NOS1AP: variants seen among roughly 807,000 people sequenced by gnomAD.
NOS1AP encodes nitric oxide synthase 1 adaptor protein.
A neutral mutation model predicts 56.2 loss-of-function variants in NOS1AP; 21 were observed. The ratio of observed to expected loss-of-function variants is 0.37; its 90% CI spans 0.26 to 0.54. The LOEUF (loss-of-function observed/expected upper bound fraction) is 0.54, where lower values mean the gene tolerates loss of function less well. Among genes scored for constraint, NOS1AP ranks in the 20% least tolerant of loss-of-function variants. NOS1AP has a pLI of 0.84. For missense variants in NOS1AP, 522 were observed against 657.8 expected (o/e 0.79, Z 2.26); for synonymous variants, 270 against 274.6 (o/e 0.98, Z 0.17).
chr1:162,361,494 G>C (rs988773409), intron 8 of NOS1AP, among the ~76,000 whole-genome samples: 1 of 152,186 alleles, frequency 6.6e-6, no homozygotes, highest in Admixed American at 6.5e-5. Flanking sequence ...AGTATGGCCT[G>C]GTTTGGGTTC....
Position 162,147,924 on chromosome 1 carries a change from T to C in NOS1AP, c.106-6481T>C, listed in dbSNP as rs145884330. Among the ~76,000 whole-genome samples, 3 of 152,232 alleles carry C rather than the reference T, an allele frequency of 2.0e-5. No homozygotes were observed. In the East Asian group the frequency reaches 5.8e-4, roughly 29 times the overall value. ...CCTGTTTGATGTCTCACAGCAGGGATTCCTGGAAGGGGGGGATGCAGGAAT... is the reference window on the plus strand; with the variant it reads ...CCTGTTTGATGTCTCACAGCAGGGACTCCTGGAAGGGGGGGATGCAGGAAT... On this transcript the variant is annotated intron_variant, in intron 1 of 9. Transcript: ENST00000361897.
chr1:162,356,763 CTG>C (rs993664913), intron 7 of NOS1AP, among the ~76,000 whole-genome samples, 195 bp from the exon 8 acceptor site: 1 of 152,192 alleles, frequency 6.6e-6, no homozygotes, highest in African/African-American at 2.4e-5. Context: ...GATTTTCTGA[CTG>C]TGTGGTATCA....
intron 1 of NOS1AP, among the ~76,000 whole-genome samples, chr1:162,081,774 A>ATATATATATATTTTTTTTTTTTTT: frequency 3.0e-4 from 13 of 44,048 alleles, no homozygotes; most frequent in Admixed American, 1.3e-3. Flanking sequence ...ATATATATAT[A>ATATATATATATTTTTTTTTTTTTT]TTTTTTTTTT....
At chr1:162,108,160 G>T (rs6684732) in intron 1 of NOS1AP, among the ~76,000 whole-genome samples, 2 of 152,014 alleles carry the variant, frequency 1.3e-5, no homozygotes, top group African/African-American at 2.4e-5. Context: ...AATAACCAGG[G>T]CTCTTTGAAA....
At chr1:162,320,061 C>T (rs1223090340) in intron 4 of NOS1AP, among the ~76,000 whole-genome samples, 2 of 152,162 alleles carry the variant, frequency 1.3e-5, no homozygotes, top group African/African-American at 2.4e-5. Flanking sequence ...ACTTGCCACA[C>T]CCTGTCTGTA....
intron 2 of NOS1AP, among the ~76,000 whole-genome samples, chr1:162,234,356 G>C (rs997230135): frequency 6.6e-6 from 1 of 152,216 alleles, no homozygotes; most frequent in African/African-American, 2.4e-5. Context: ...ATGCTAAGGA[G>C]TGTTCCTATT....
rs981922688 is a variant in NOS1AP, at chr1:162,273,585, T to C, written c.178-13759T>C. Among the ~76,000 whole-genome samples the C allele has an allele frequency of 1.5e-4, 23 of 152,104 alleles. 1 individual carries two copies. Among genetic ancestry groups the C allele is most frequent in the African/African-American group, 2.4e-5 (1 of 41,408 alleles). On this transcript the variant is annotated intron_variant, in intron 2 of 9. Coordinates refer to ENST00000361897, the MANE Select transcript of NOS1AP (RefSeq NM_014697.3). ...TAACCTTGGAGGCCTGGGGGCAAGG[T>C]TTTCATTCACTCCACCTGAGGAGGA...
intron 1 of NOS1AP, among the ~76,000 whole-genome samples, chr1:162,125,354 G>A (rs570016306): frequency 1.3e-5 from 2 of 152,006 alleles, no homozygotes; most frequent in African/African-American, 2.4e-5. Flanking sequence ...AGCTGGTCTC[G>A]AACTCCTGAG....
chr1:162,239,628 C>T (rs1197634101), intron 2 of NOS1AP, among the ~76,000 whole-genome samples: 1 of 152,040 alleles, frequency 6.6e-6, no homozygotes, highest in Non-Finnish European at 1.5e-5. Flanking sequence ...GTCATAAGCC[C>T]CCAAGAGATT....
chr1:162,072,537 A>C (rs897948181), intron 1 of NOS1AP, among the ~76,000 whole-genome samples: 1 of 152,240 alleles, frequency 6.6e-6, no homozygotes, highest in Non-Finnish European at 1.5e-5. Context: ...CAAATGAGAA[A>C]TAGGGGACCA....
At chr1:162,329,917 G>A (rs1656711083) in intron 4 of NOS1AP, among the ~76,000 whole-genome samples, 1 of 152,202 alleles carries the variant, frequency 6.6e-6, no homozygotes, top group Non-Finnish European at 1.5e-5. Flanking sequence ...ATATAGCAGA[G>A]CAGTCTCCAG....
At chr1:162,315,413 A>G (rs1656197771) in intron 4 of NOS1AP, among the ~76,000 whole-genome samples, 1 of 152,172 alleles carries the variant, frequency 6.6e-6, no homozygotes, top group African/African-American at 2.4e-5. Context: ...TGACTGGGTA[A>G]GCTTTCCGTG....
intron 1 of NOS1AP, among the ~76,000 whole-genome samples, chr1:162,117,913 C>T (rs765448664): frequency 2.0e-5 from 3 of 152,202 alleles, no homozygotes; most frequent in Admixed American, 6.5e-5. Context: ...TTCTGGTCAT[C>T]AGATGATGGA....
intron 3 of NOS1AP, among the ~76,000 whole-genome samples, chr1:162,291,643 T>G (rs549775374): frequency 1.3e-5 from 2 of 152,306 alleles, no homozygotes; most frequent in Admixed American, 1.3e-4. Flanking sequence ...TATTCAACTT[T>G]CATTGAGTTG....
At chr1:162,241,343 C>G (rs969769731) in intron 2 of NOS1AP, among the ~76,000 whole-genome samples, 1 of 151,978 alleles carries the variant, frequency 6.6e-6, no homozygotes, top group Non-Finnish European at 1.5e-5. Flanking sequence ...AAGTTGCATA[C>G]GGAACAGCAT....
intron 6 of NOS1AP, among the ~76,000 whole-genome samples, chr1:162,348,405 G>A (rs555366314): frequency 1.3e-5 from 2 of 152,220 alleles, no homozygotes; most frequent in African/African-American, 4.8e-5. Context: ...GGCCAGTGTG[G>A]TCACACTCCT....
chr1:162,107,200 A>T (rs1262846577), intron 1 of NOS1AP, among the ~76,000 whole-genome samples: 1 of 152,230 alleles, frequency 6.6e-6, no homozygotes, highest in African/African-American at 2.4e-5. Context: ...GCTTTCTTTT[A>T]AAAGAATAAA....
intron 2 of NOS1AP, among the ~76,000 whole-genome samples, chr1:162,261,968 C>T (rs78296365): frequency 0.028 from 4,224 of 152,208 alleles, 75 homozygotes; most frequent in Non-Finnish European, 0.038. Flanking sequence ...GGGATTCATA[C>T]TGATATAGGA....
intron 4 of NOS1AP, among the ~76,000 whole-genome samples, chr1:162,310,889 A>ACTCT (rs10667390): frequency 0.56 from 84,170 of 150,080 alleles, 23,522 homozygotes; most frequent in South Asian, 0.6. Flanking sequence ...CTGTTCGCTG[A>ACTCT]CTCTCTCTCT....
Sources: gnomAD v4.1 joint callset for allele counts (sites outside exome capture counted in the v4.1 genomes callset) on GRCh38, gnomAD v4.1.1 for gene constraint, MANE v1.5 for transcripts, NCBI Gene and HGNC (gene_info 2026-07-23, HGNC 2026-07-21) for gene names.